The following PTPRD variants were observed in gnomAD, a reference collection of about 807,000 sequenced individuals.
PTPRD encodes the protein receptor-type tyrosine-protein phosphatase delta.
A neutral mutation model predicts 214.5 loss-of-function variants in PTPRD; 34 were observed. The observed-to-expected ratio is 0.16, with a 90% confidence interval of 0.12 to 0.21. The LOEUF (loss-of-function observed/expected upper bound fraction) is 0.21, where lower values mean the gene tolerates loss of function less well. Among genes scored for constraint, PTPRD ranks in the 10% least tolerant of loss-of-function variants. The pLI is 1.00. For synonymous variants in PTPRD, 1,128 were observed against 845.7 expected, an observed-to-expected ratio of 1.33 and a Z score of -5.79; for missense variants, 2,545 against 2,398.7, an observed-to-expected ratio of 1.06 and a Z score of -1.27.
intron 7 of PTPRD, among the ~76,000 whole-genome samples, chr9:9,610,377 T>C (rs900224861): frequency 6.6e-6 from 1 of 152,214 alleles, no homozygotes; most frequent in Non-Finnish European, 1.5e-5. Flanking sequence ...ATAAAGAGAA[T>C]TAAGACTACA....
chr9:9,373,205 G>C (rs76722440), intron 9 of PTPRD, among the ~76,000 whole-genome samples: 4 of 152,012 alleles, frequency 2.6e-5, no homozygotes, highest in Non-Finnish European at 4.4e-5. Context: ...TCAAATACCT[G>C]TTCTACCTCT....
chr9:9,115,242 AT>A (rs1161715584), intron 10 of PTPRD, among the ~76,000 whole-genome samples: 1 of 152,166 alleles, frequency 6.6e-6, no homozygotes, highest in South Asian at 2.1e-4. Flanking sequence ...TATGTTCCTA[AT>A]TGTAGAGGGT....
intron 30 of PTPRD, among the ~76,000 whole-genome samples, chr9:8,478,918 T>C (rs565412375): frequency 1.3e-5 from 2 of 152,344 alleles, no homozygotes; most frequent in South Asian, 4.1e-4. Flanking sequence ...ATGGTTTCTG[T>C]TGGTCAAGAA....
chr9:8,434,462 G>T (rs2132384823), intron 35 of PTPRD, among the ~76,000 whole-genome samples: 1 of 152,206 alleles, frequency 6.6e-6, no homozygotes, highest in Non-Finnish European at 1.5e-5. Context: ...TTTACACAGT[G>T]ACAAAATCAC....
chr9:8,782,062 TATGGTATAAA>T (rs2095727373), intron 11 of PTPRD, among the ~76,000 whole-genome samples: 1 of 105,894 alleles, frequency 9.4e-6, no homozygotes, highest in Non-Finnish European at 2.1e-5. Context: ...GTTTTACGTT[TATGGTATAAA>T]ACATACCATA....
intron 2 of PTPRD, among the ~76,000 whole-genome samples, chr9:10,569,537 GTA>G (rs1236352498): frequency 2.0e-5 from 3 of 150,932 alleles, no homozygotes; most frequent in Admixed American, 1.3e-4. Flanking sequence ...CTCTCTGTGT[GTA>G]TATATATATA....
chr9:8,365,939 G>GA (rs1240135348), intron 39 of PTPRD, among the ~76,000 whole-genome samples: 1 of 152,100 alleles, frequency 6.6e-6, no homozygotes, highest in Non-Finnish European at 1.5e-5. Context: ...AGACTTGCGA[G>GA]AAAAAACAAA....
rs1259839394 is a variant in PTPRD, at chr9:9,928,753, T to TACACACACACACACA, written c.-368+9753_-368+9754insTGTGTGTGTGTGTGT. 5.9e-5 allele frequency among the ~76,000 whole-genome samples: 6 copies of TACACACACACACACA among 101,770 alleles called. No individual in the cohort carries two copies. The East Asian group carries it at 1.4e-3, about 24-fold the overall frequency. The allele number at this position is 101,770 out of a possible 152,430, so 66.8% of individuals were successfully genotyped here. A position where few individuals can be genotyped will look rare whatever the true frequency, so the allele number is the denominator to read the frequency against. ...TAATACAGTAGCAGTCATCTCTCTC[T>TACACACACACACACA]CTATACACACACACACACACACACA... On this transcript the variant is annotated intron_variant, in intron 5 of 45. Transcript: ENST00000381196.
intron 12 of PTPRD, among the ~76,000 whole-genome samples, chr9:8,711,154 A>G: frequency 7.2e-6 from 1 of 138,552 alleles, no homozygotes; most frequent in Admixed American, 7.2e-5. Context: ...ACACTGTAAG[A>G]ATCACTACCA....
At chr9:8,929,711 ATATATG>A in intron 11 of PTPRD, among the ~76,000 whole-genome samples, 1 of 141,632 alleles carries the variant, frequency 7.1e-6, no homozygotes, top group South Asian at 2.2e-4. Flanking sequence ...ATGTGTATAT[ATATATG>A]TGTATATATA....
intron 5 of PTPRD, among the ~76,000 whole-genome samples, chr9:9,783,263 A>G (rs1356180799): frequency 6.6e-6 from 1 of 152,158 alleles, no homozygotes. Context: ...TTTTTTACCA[A>G]GGTTTTAAAG....
chr9:9,926,592 A>G (rs938285014), intron 5 of PTPRD, among the ~76,000 whole-genome samples: 3 of 152,210 alleles, frequency 2.0e-5, no homozygotes, highest in Non-Finnish European at 2.9e-5. Flanking sequence ...AGATAATTGT[A>G]TCATTAAAAT....
At chr9:10,298,092 G>A (rs924203808) in intron 3 of PTPRD, among the ~76,000 whole-genome samples, 12 of 152,156 alleles carry the variant, frequency 7.9e-5, no homozygotes, top group East Asian at 5.8e-4. Context: ...ATTTGGAGGC[G>A]CTTGCATTAA....
At chr9:8,842,535 C>G (rs2097578886) in intron 11 of PTPRD, among the ~76,000 whole-genome samples, 2 of 152,052 alleles carry the variant, frequency 1.3e-5, no homozygotes, top group Non-Finnish European at 2.9e-5. Context: ...TCTCTAGAAA[C>G]CTTATACTTA....
chr9:9,751,747 G>C (rs2098522196), intron 6 of PTPRD, among the ~76,000 whole-genome samples: 1 of 152,092 alleles, frequency 6.6e-6, no homozygotes, highest in Non-Finnish European at 1.5e-5. Flanking sequence ...ATCAGAGCTA[G>C]GAGGGGGCGT....
At chr9:10,569,704 T>C (rs894056273) in intron 2 of PTPRD, among the ~76,000 whole-genome samples, 2 of 152,130 alleles carry the variant, frequency 1.3e-5, no homozygotes, top group East Asian at 3.8e-4. Flanking sequence ...CAATCACACA[T>C]ATTTCTCCAA....
At chr9:9,337,007 T>C (rs780886387) in intron 9 of PTPRD, among the ~76,000 whole-genome samples, 3 of 152,134 alleles carry the variant, frequency 2.0e-5, no homozygotes, top group African/African-American at 4.8e-5. Flanking sequence ...ATAGGGACAA[T>C]TTAAAAATTT....
chr9:9,304,855 G>T (rs1442726705), intron 9 of PTPRD, among the ~76,000 whole-genome samples: 1 of 150,406 alleles, frequency 6.6e-6, no homozygotes, highest in Admixed American at 6.7e-5. Flanking sequence ...TGGTGTCCTT[G>T]CATCCAAGGC....
Position 10,595,031 on chromosome 9 carries a change from T to A in PTPRD, c.-600+17367A>T, listed in dbSNP as rs935195053. On this transcript the variant is annotated intron_variant, in intron 2 of 45. Coordinates refer to ENST00000381196, the MANE Select transcript of PTPRD (RefSeq NM_002839.4). The stretch of plus-strand genomic sequence containing the variant: ...TGACTTAATTATTCAAATAACTATT[T>A]ATAGGCGATAATTAGACCATATGTT... Among the ~76,000 whole-genome samples the A allele has an allele frequency of 7.3e-5, 11 of 151,672 alleles. No individual in the cohort carries two copies. The East Asian group carries it at 2.1e-3, about 30-fold the overall frequency.
Sources: gnomAD v4.1 joint callset for allele counts (sites outside exome capture counted in the v4.1 genomes callset) on GRCh38, gnomAD v4.1.1 for gene constraint, MANE v1.5 for transcripts, NCBI Gene and HGNC (gene_info 2026-07-23, HGNC 2026-07-21) for gene names.